SLC14A2: variants seen among roughly 807,000 people sequenced by gnomAD.
SLC14A2 encodes urea transporter 2.
SLC14A2 carries 91 observed loss-of-function variants against 104.6 expected under a neutral mutation model. The observed-to-expected ratio is 0.87, with a 90% CI of 0.73 to 1.04. The LOEUF (loss-of-function observed/expected upper bound fraction) is 1.04. SLC14A2 is among the 50% of genes least tolerant of loss of function. SLC14A2 has a pLI of 0.00. For missense variants in SLC14A2, 1,189 were observed against 1,156.0 expected, an observed-to-expected ratio of 1.03 and a Z score of -0.41; for synonymous variants, 476 against 466.4, an observed-to-expected ratio of 1.02 and a Z score of -0.27.
intron 1 of SLC14A2, among the ~76,000 whole-genome samples, chr18:45,407,166 T>C (rs558579411): frequency 3.3e-5 from 5 of 152,374 alleles, no homozygotes; most frequent in African/African-American, 1.2e-4. Context: ...ATCTGTTGTT[T>C]AGTGTATCCA....
intron 1 of SLC14A2, among the ~76,000 whole-genome samples, chr18:45,318,191 G>A (rs1334202877): frequency 6.6e-6 from 1 of 152,208 alleles, no homozygotes; most frequent in Admixed American, 6.5e-5. Context: ...CGGGGAGACG[G>A]CAACAAAGGC....
intron 16 of SLC14A2, among the ~76,000 whole-genome samples, chr18:45,671,673 C>T (rs1391854779): frequency 6.6e-6 from 1 of 152,218 alleles, no homozygotes; most frequent in Non-Finnish European, 1.5e-5. Flanking sequence ...AGCCCAAAGC[C>T]TAACCCACTC....
At chr18:45,600,978 T>C (rs1391112262) in intron 2 of SLC14A2, among the ~76,000 whole-genome samples, 2 of 152,218 alleles carry the variant, frequency 1.3e-5, no homozygotes, top group Non-Finnish European at 2.9e-5. Context: ...CTCTGTATTC[T>C]GCCCAGGGTC....
intron 1 of SLC14A2, among the ~76,000 whole-genome samples, chr18:45,430,723 C>G (rs984446770): frequency 2.6e-5 from 4 of 152,012 alleles, no homozygotes; most frequent in African/African-American, 9.7e-5. Context: ...CTACAGGCAC[C>G]CACCACCATG....
intron 1 of SLC14A2, among the ~76,000 whole-genome samples, chr18:45,366,821 G>T (rs952898399): frequency 3.3e-5 from 5 of 152,216 alleles, no homozygotes; most frequent in African/African-American, 9.6e-5. Flanking sequence ...TGATGGACTG[G>T]ATGTGCTTCA....
At chr18:45,517,317 C>T (rs553198870) in intron 2 of SLC14A2, among the ~76,000 whole-genome samples, 11 of 152,254 alleles carry the variant, frequency 7.2e-5, no homozygotes, top group African/African-American at 2.6e-4. Flanking sequence ...GCAGGAATTC[C>T]GAGACATTCC....
intron 2 of SLC14A2, among the ~76,000 whole-genome samples, chr18:45,516,513 G>T (rs762910962): frequency 6.6e-6 from 1 of 152,136 alleles, no homozygotes; most frequent in Non-Finnish European, 1.5e-5. Context: ...GATAAGAGAT[G>T]GGCTTTCTGA....
chr18:45,464,824 A>G (rs1048780317), intron 1 of SLC14A2, among the ~76,000 whole-genome samples: 1 of 152,176 alleles, frequency 6.6e-6, no homozygotes, highest in African/African-American at 2.4e-5. Flanking sequence ...GGGGTGGTAC[A>G]AGCGGCAGTT....
intron 2 of SLC14A2, among the ~76,000 whole-genome samples, chr18:45,498,826 A>G (rs2043144644): frequency 6.6e-6 from 1 of 152,178 alleles, no homozygotes; most frequent in Non-Finnish European, 1.5e-5. Flanking sequence ...CCAGGTTGTA[A>G]AGAAAGGTTT....
At chr18:45,201,470 T>C in the SLC14A2 span, among the ~76,000 whole-genome samples, 1 of 152,112 alleles carries the variant, frequency 6.6e-6, no homozygotes, top group Non-Finnish European at 1.5e-5. Context: ...ATTTTTCAAG[T>C]TGTTTCAACT....
At chr18:45,491,366 T>C (rs2042996423) in intron 2 of SLC14A2, among the ~76,000 whole-genome samples, 1 of 152,094 alleles carries the variant, frequency 6.6e-6, no homozygotes, top group South Asian at 2.1e-4. Flanking sequence ...ATTTAAAACA[T>C]ATAAAACAAT....
intron 1 of SLC14A2, among the ~76,000 whole-genome samples, chr18:45,228,243 T>C (rs1198644726): frequency 6.6e-6 from 1 of 152,212 alleles, no homozygotes; most frequent in Non-Finnish European, 1.5e-5. Flanking sequence ...TTTAAGGTCA[T>C]TGGAAAAGAA....
chr18:45,292,831 A>C (rs1029855322), intron 1 of SLC14A2, among the ~76,000 whole-genome samples: 14 of 152,214 alleles, frequency 9.2e-5, no homozygotes, highest in African/African-American at 3.4e-4. Flanking sequence ...TAAAACTTTC[A>C]AGTCAAGACA....
chr18:45,312,631 T>C (rs1337880895), intron 1 of SLC14A2, among the ~76,000 whole-genome samples: 1 of 152,170 alleles, frequency 6.6e-6, no homozygotes, highest in Non-Finnish European at 1.5e-5. Flanking sequence ...CCTTCATAAA[T>C]AGTGTGAATG....
chr18:45,279,429 T>C (rs1056455936), intron 1 of SLC14A2, among the ~76,000 whole-genome samples: 7 of 152,188 alleles, frequency 4.6e-5, no homozygotes, highest in South Asian at 2.1e-4. Flanking sequence ...CTTTCCTTTG[T>C]TGACAACCTG....
intron 1 of SLC14A2, among the ~76,000 whole-genome samples, chr18:45,443,259 G>C (rs2086709711): frequency 6.6e-6 from 1 of 152,192 alleles, no homozygotes; most frequent in South Asian, 2.1e-4. Flanking sequence ...AGTTTTCCAT[G>C]ACTTGTGAGC....
chr18:45,385,623 A>T (rs569968027), intron 1 of SLC14A2, among the ~76,000 whole-genome samples: 13 of 152,182 alleles, frequency 8.5e-5, no homozygotes, highest in South Asian at 2.1e-4. Context: ...ATTATAGTAC[A>T]TGGTTGCCAC....
At chr18:45,664,680 C>T (rs1291829313) in intron 11 of SLC14A2, among the ~76,000 whole-genome samples, 2 of 152,232 alleles carry the variant, frequency 1.3e-5, no homozygotes, top group Non-Finnish European at 2.9e-5. Context: ...GAATGACCTT[C>T]TTCCTCCAGC....
chr18:45,549,133 TGGACAAA>T (rs1598991649), intron 2 of SLC14A2, among the ~76,000 whole-genome samples: 1 of 152,276 alleles, frequency 6.6e-6, no homozygotes, highest in East Asian at 1.9e-4. Flanking sequence ...AGAAGTAAAA[TGGACAAA>T]GGACTGGCAA....
Sources: gnomAD v4.1 joint callset for allele counts (sites outside exome capture counted in the v4.1 genomes callset) on GRCh38, gnomAD v4.1.1 for gene constraint, MANE v1.5 for transcripts, NCBI Gene and HGNC (gene_info 2026-07-23, HGNC 2026-07-21) for gene names.